The following WWOX variants were observed in gnomAD, a reference collection of about 807,000 sequenced individuals.
WWOX encodes WW domain-containing oxidoreductase.
Under a neutral mutation model 46.2 loss-of-function variants are expected in WWOX, and 69 were observed. The observed-to-expected ratio is 1.49, with a 90% CI of 1.23 to 1.82. WWOX has a LOEUF of 1.82. WWOX is among the 40% of genes most tolerant of loss of function. The pLI, the probability that WWOX is intolerant of heterozygous loss-of-function variation, is 0.00. For synonymous variants in WWOX, 359 were observed against 202.6 expected, an observed-to-expected ratio of 1.77 and a Z score of -6.56; for missense variants, 919 against 542.6, an observed-to-expected ratio of 1.69 and a Z score of -6.89.
intron 5 of WWOX, among the ~76,000 whole-genome samples, chr16:78,336,201 T>C (rs2080884109): frequency 6.6e-6 from 1 of 151,910 alleles, no homozygotes; most frequent in African/African-American, 2.4e-5. Flanking sequence ...AGGCCAGGCA[T>C]GGTGGCTCAT....
chr16:78,757,755 T>A (rs941398348), intron 8 of WWOX, among the ~76,000 whole-genome samples: 1 of 151,944 alleles, frequency 6.6e-6, no homozygotes, highest in Non-Finnish European at 1.5e-5. Flanking sequence ...CTATAAATAA[T>A]CTTTCTGATT....
chr16:79,088,435 C>G (rs573381598), intron 8 of WWOX, among the ~76,000 whole-genome samples: 1 of 152,140 alleles, frequency 6.6e-6, no homozygotes, highest in Non-Finnish European at 1.5e-5. Flanking sequence ...GGCCCTGAGC[C>G]GTGGGCAGCC....
chr16:78,195,743 A>G (rs1473404385), intron 5 of WWOX, among the ~76,000 whole-genome samples: 1 of 144,432 alleles, frequency 6.9e-6, no homozygotes, highest in Non-Finnish European at 1.5e-5. Flanking sequence ...AATTGCTTGA[A>G]CTCTGGAGAC....
In WWOX at chr16:78,339,381, AC is replaced by A. The variant is rs1354284085; in HGVS notation, c.517-47478del. ...CCTTTTATTAGAAAAAAAAAAAAAA[AC>A]AACTCCCCTGGAGCCTTTGTACCTT... On this transcript the variant is annotated intron_variant, in intron 5 of 8. Coordinates refer to ENST00000566780, the MANE Select transcript of WWOX (RefSeq NM_016373.4). Among the ~76,000 whole-genome samples, 4 of 78,416 alleles carry A rather than the reference AC, an allele frequency of 5.1e-5. 1 individual carries two copies. The highest frequency in any genetic ancestry group is 7.8e-5 in the Non-Finnish European group (3 of 38,398). 51.4% of individuals were successfully genotyped at this position (78,416 alleles called of 152,430 possible). A position where few individuals can be genotyped will look rare whatever the true frequency, so the allele number is the denominator to read the frequency against.
chr16:78,649,673 C>T (rs1373610154), intron 8 of WWOX, among the ~76,000 whole-genome samples: 1 of 152,210 alleles, frequency 6.6e-6, no homozygotes, highest in South Asian at 2.1e-4. Flanking sequence ...GACTCTGCCC[C>T]CTTTTGACCT....
chr16:78,744,681 C>G (rs1370234164), intron 8 of WWOX, among the ~76,000 whole-genome samples: 2 of 152,106 alleles, frequency 1.3e-5, no homozygotes, highest in East Asian at 1.9e-4. Context: ...ATCCACCTGC[C>G]TCGGCCTCCC....
chr16:78,447,761 A>C (rs565827861), intron 8 of WWOX, among the ~76,000 whole-genome samples: 1 of 152,318 alleles, frequency 6.6e-6, no homozygotes, highest in African/African-American at 2.4e-5. Context: ...ACTTTGTTCT[A>C]AGCTACTTAG....
rs144925871 is a variant in WWOX, at chr16:78,188,862, C to G, written c.516+24573C>G. ...TGTTTGACAAGATATGACACATGCT[C>G]TGTTTTAATTCTGCATTTGACTAAC... On this transcript the variant is annotated intron_variant, in intron 5 of 8. Transcript: ENST00000566780. Among the ~76,000 whole-genome samples, 14 of 152,286 alleles carry G rather than the reference C, an allele frequency of 9.2e-5. No individual in the cohort carries two copies. In the East Asian group the frequency reaches 1.2e-3, roughly 13 times the overall value.
chr16:78,427,770 C>T (rs1359143375), intron 7 of WWOX, among the ~76,000 whole-genome samples: 1 of 151,650 alleles, frequency 6.6e-6, no homozygotes, highest in Non-Finnish European at 1.5e-5. Context: ...AGAGTGAGAC[C>T]CCATCTCTAA....
At chr16:78,100,935 T>C (rs1372444064) in intron 1 of WWOX, among the ~76,000 whole-genome samples, 1 of 152,176 alleles carries the variant, frequency 6.6e-6, no homozygotes, top group African/African-American at 2.4e-5. Flanking sequence ...GCTTTCCAGG[T>C]GAGGTGGAAT....
chr16:79,179,142 C>T (rs1597450273), intron 8 of WWOX, among the ~76,000 whole-genome samples: 1 of 152,262 alleles, frequency 6.6e-6, no homozygotes, highest in East Asian at 1.9e-4. Context: ...CATTTAAACT[C>T]ACAAAACCTG....
intron 8 of WWOX, among the ~76,000 whole-genome samples, chr16:79,012,921 G>T (rs917330964): frequency 2.0e-5 from 3 of 152,240 alleles, no homozygotes; most frequent in Admixed American, 6.5e-5. Context: ...GCTGGGTGTG[G>T]TGGCTCATGC....
intron 8 of WWOX, among the ~76,000 whole-genome samples, chr16:78,935,856 G>C (rs778327834): frequency 1.3e-5 from 2 of 152,016 alleles, no homozygotes; most frequent in Non-Finnish European, 2.9e-5. Flanking sequence ...AGGCTGCAGT[G>C]AGCTCACATC....
intron 8 of WWOX, among the ~76,000 whole-genome samples, chr16:78,644,180 C>G (rs140539204): frequency 0.014 from 2,123 of 152,146 alleles, 44 homozygotes; most frequent in African/African-American, 0.049. Flanking sequence ...TGAGATCACG[C>G]CATTGCACTC....
chr16:78,457,206 C>T (rs1463222134), intron 8 of WWOX, among the ~76,000 whole-genome samples: 45 of 152,162 alleles, frequency 3.0e-4, no homozygotes, highest in Admixed American at 2.9e-3. Context: ...CAGGAACCTT[C>T]CTGGGATCTC....
intron 8 of WWOX, among the ~76,000 whole-genome samples, chr16:78,915,042 G>A (rs1183775878): frequency 6.6e-6 from 1 of 152,130 alleles, no homozygotes; most frequent in East Asian, 1.9e-4. Context: ...CACTTAGCCT[G>A]ATCCACAAGT....
At chr16:78,675,063 A>G (rs1471449603) in intron 8 of WWOX, among the ~76,000 whole-genome samples, 1 of 152,238 alleles carries the variant, frequency 6.6e-6, no homozygotes, top group Non-Finnish European at 1.5e-5. Flanking sequence ...AGTAAATGGT[A>G]CATGTGAGTC....
chr16:78,732,414 G>C (rs78470808), intron 8 of WWOX, among the ~76,000 whole-genome samples: 1 of 152,106 alleles, frequency 6.6e-6, no homozygotes, highest in Admixed American at 6.5e-5. Context: ...GTCAGCTTCA[G>C]TCATCAGATA....
intron 4 of WWOX, among the ~76,000 whole-genome samples, chr16:78,125,568 G>C (rs2033327082): frequency 6.6e-6 from 1 of 152,158 alleles, no homozygotes. Context: ...GGATTCAGAA[G>C]CTGAAGCTTA....
Sources: allele counts gnomAD v4.1 joint callset (sites outside exome capture counted in the v4.1 genomes callset), GRCh38; gene constraint gnomAD v4.1.1; transcripts MANE v1.5; gene names NCBI Gene and HGNC (gene_info 2026-07-23, HGNC 2026-07-21).